Variants in GPATCH2 observed in about 807,000 individuals in gnomAD.
The protein encoded by GPATCH2 is G-patch domain containing 2.
Under a neutral mutation model 58.0 loss-of-function variants are expected in GPATCH2, and 51 were observed. That is an observed-to-expected ratio of 0.88 (90% CI 0.70 to 1.11). The LOEUF (loss-of-function observed/expected upper bound fraction) is 1.11, where lower values mean the gene tolerates loss of function less well. Among genes scored for constraint, GPATCH2 ranks in the 50% most tolerant of loss-of-function variants. GPATCH2 has a pLI of 0.00. For missense variants in GPATCH2, 625 were observed against 652.2 expected (o/e 0.96, Z 0.45); for synonymous variants, 222 against 218.5 (o/e 1.02, Z -0.14).
chr1:217,503,668 G>A (rs1350337555), intron 6 of GPATCH2, among the ~76,000 whole-genome samples: 1 of 151,974 alleles, frequency 6.6e-6, no homozygotes, highest in Non-Finnish European at 1.5e-5. Flanking sequence ...ATTAGGTTGT[G>A]GTAAGAAAAT....
At chr1:217,534,725 T>C (rs989609122) in intron 5 of GPATCH2, among the ~76,000 whole-genome samples, 6 of 152,206 alleles carry the variant, frequency 3.9e-5, no homozygotes, top group African/African-American at 1.4e-4. Flanking sequence ...TCTCACTGGG[T>C]TACCAGATGT....
At chr1:217,535,178 C>T (rs989224018) in intron 5 of GPATCH2, among the ~76,000 whole-genome samples, 13 of 152,184 alleles carry the variant, frequency 8.5e-5, no homozygotes, top group African/African-American at 3.1e-4. Flanking sequence ...ATTAGGACTA[C>T]TCAATCCTGG....
intron 5 of GPATCH2, among the ~76,000 whole-genome samples, chr1:217,567,115 T>C (rs1234243221): frequency 6.6e-6 from 1 of 151,578 alleles, no homozygotes; most frequent in African/African-American, 2.4e-5. Context: ...GGCGCGATCT[T>C]GGCTCACTGC....
chr1:217,609,910 T>C (rs1668543815), intron 5 of GPATCH2: 1 of 1,119,272 alleles, frequency 8.9e-7, no homozygotes. Context: ...AAGAGAAAAA[T>C]ATATAATTTA....
chr1:217,593,511 G>A (rs554124601), intron 5 of GPATCH2, among the ~76,000 whole-genome samples: 4 of 152,018 alleles, frequency 2.6e-5, no homozygotes, highest in Admixed American at 2.6e-4. Flanking sequence ...TATTAAAGAA[G>A]ATTTTTGACA....
intron 8 of GPATCH2, among the ~76,000 whole-genome samples, chr1:217,465,346 A>T (rs912633718): frequency 5.3e-5 from 8 of 152,248 alleles, no homozygotes; most frequent in African/African-American, 1.9e-4. Context: ...TATAATACAA[A>T]TTTTTAAAAC....
chr1:217,629,197 A>C (rs1407627046), intron 1 of GPATCH2, among the ~76,000 whole-genome samples: 1 of 145,958 alleles, frequency 6.9e-6, no homozygotes, highest in African/African-American at 2.5e-5. Context: ...AATTCCATTA[A>C]GAAATCTGGA....
At chr1:217,621,416 G>A (rs951181990) in intron 1 of GPATCH2, among the ~76,000 whole-genome samples, 1 of 152,088 alleles carries the variant, frequency 6.6e-6, no homozygotes, top group African/African-American at 2.4e-5. Flanking sequence ...GAGATCTAGA[G>A]GCACCTAGGG....
In GPATCH2 at chr1:217,603,779, T is replaced by A. The variant is rs907616256; in HGVS notation, c.1098+6542A>T. ...CTGGGATTACAGGCACATATCACCA[T>A]GCCCTGCTAATTTTTGTATTTTTAG... is the stretch of plus-strand genomic sequence containing the variant. On this transcript the variant is annotated intron_variant, in intron 5 of 9. Coordinates refer to ENST00000366935, the MANE Select transcript of GPATCH2 (RefSeq NM_018040.5). Among the ~76,000 whole-genome samples the A allele has an allele frequency of 2.0e-5, 3 of 151,854 alleles. 1 individual carries two copies. The highest frequency in any genetic ancestry group is 6.6e-5 in the Admixed American group (1 of 15,232).
chr1:217,526,708 C>G (rs892684241), intron 5 of GPATCH2, among the ~76,000 whole-genome samples: 7 of 152,172 alleles, frequency 4.6e-5, no homozygotes, highest in African/African-American at 1.2e-4. Flanking sequence ...AAGTAAATGT[C>G]TATCCCAAAT....
chr1:217,484,578 G>T (rs1571783900), intron 8 of GPATCH2, among the ~76,000 whole-genome samples: 4 of 106,924 alleles, frequency 3.7e-5, no homozygotes, highest in South Asian at 3.3e-4. Flanking sequence ...ATATATATAT[G>T]ATGCACATAT....
rs770805336 is a variant in GPATCH2 at position 217,429,127 on chromosome 1, T to C, written c.*2018A>G. 1 of 152,122 alleles carries C rather than the reference T, an allele frequency of 6.6e-6. No homozygotes were observed. The highest frequency in any genetic ancestry group is 1.5e-5 in the Non-Finnish European group (1 of 68,018). 9.4% of individuals were successfully genotyped at this position (152,122 alleles called of 1,614,324 possible). On this transcript the variant is annotated 3_prime_UTR_variant, in exon 10 of 10. Coordinates refer to ENST00000366935, the MANE Select transcript of GPATCH2 (RefSeq NM_018040.5). The stretch of plus-strand genomic sequence containing the variant: ...AAAACCTCAAACACCAAATTTTGAA[T>C]AGACCCCAGAGCACAATACACTATC...
intron 8 of GPATCH2, among the ~76,000 whole-genome samples, chr1:217,484,703 A>G (rs991135730): frequency 6.6e-6 from 1 of 150,486 alleles, no homozygotes; most frequent in Non-Finnish European, 1.5e-5. Context: ...ATATGTGTAT[A>G]TATGTGTGCA....
At chr1:217,524,018 G>A in intron 5 of GPATCH2, among the ~76,000 whole-genome samples, 1 of 147,500 alleles carries the variant, frequency 6.8e-6, no homozygotes, top group East Asian at 2.1e-4. Flanking sequence ...TTCCCAGTAG[G>A]GGCGGCCAGG....
intron 8 of GPATCH2, among the ~76,000 whole-genome samples, chr1:217,481,872 A>C (rs972612753): frequency 6.6e-6 from 1 of 152,128 alleles, no homozygotes; most frequent in African/African-American, 2.4e-5. Flanking sequence ...AAAAGCCCAA[A>C]AAACAAACAA....
chr1:217,466,014 ATAGT>A (rs1453575776), intron 8 of GPATCH2, among the ~76,000 whole-genome samples: 4 of 152,210 alleles, frequency 2.6e-5, no homozygotes, highest in Admixed American at 6.5e-5. Flanking sequence ...CATATTTAAG[ATAGT>A]TAGGAGAAGA....
At chr1:217,534,203 G>A (rs575667680) in intron 5 of GPATCH2, among the ~76,000 whole-genome samples, 33 of 152,152 alleles carry the variant, frequency 2.2e-4, no homozygotes, top group Admixed American at 8.5e-4. Context: ...TCAACAGAAC[G>A]AGACCCTGTC....
chr1:217,592,090 T>C (rs1373419979), intron 5 of GPATCH2, among the ~76,000 whole-genome samples: 1 of 152,050 alleles, frequency 6.6e-6, no homozygotes, highest in Non-Finnish European at 1.5e-5. Context: ...TTTCTGATCT[T>C]TGCCTTAGAA....
At chr1:217,611,184 A>C in intron 3 of GPATCH2, 113 bp from the exon 4 acceptor site, 1 of 941,122 alleles carries the variant, frequency 1.1e-6, no homozygotes, top group East Asian at 2.5e-5. Flanking sequence ...TTTGAATTTG[A>C]GATCAATGAC....
Sources: allele counts gnomAD v4.1 joint callset (sites outside exome capture counted in the v4.1 genomes callset), GRCh38; gene constraint gnomAD v4.1.1; transcripts MANE v1.5; gene names NCBI Gene and HGNC (gene_info 2026-07-23, HGNC 2026-07-21).